SNTB1: variants seen among roughly 807,000 people sequenced by gnomAD.
SNTB1 encodes beta-1-syntrophin.
SNTB1 carries 36 observed loss-of-function variants against 48.9 expected under a neutral mutation model. That is an observed-to-expected ratio of 0.74 (90% CI 0.56 to 0.97). The LOEUF (loss-of-function observed/expected upper bound fraction) is 0.97, where lower values mean the gene tolerates loss of function less well. Ranked by LOEUF, SNTB1 falls within the 50% of genes least tolerant of loss-of-function variation. The pLI is 0.00. For missense variants in SNTB1, 786 were observed against 703.4 expected, an observed-to-expected ratio of 1.12 and a Z score of -1.33; for synonymous variants, 299 against 294.6, an observed-to-expected ratio of 1.01 and a Z score of -0.15.
chr8:120,789,515 T>C (rs550748619), intron 1 of SNTB1, among the ~76,000 whole-genome samples: 1 of 151,630 alleles, frequency 6.6e-6, no homozygotes, highest in South Asian at 2.1e-4. Flanking sequence ...AGAGAAGAAA[T>C]TCAGATAAAC....
At chr8:120,665,045 TG>T (rs1401275626) in intron 2 of SNTB1, among the ~76,000 whole-genome samples, 1 of 152,254 alleles carries the variant, frequency 6.6e-6, no homozygotes, top group African/African-American at 2.4e-5. Context: ...CACCTTTTCC[TG>T]TGCTTATTTT....
chr8:120,778,527 A>G (rs1225988666), intron 1 of SNTB1, among the ~76,000 whole-genome samples: 2 of 152,178 alleles, frequency 1.3e-5, no homozygotes, highest in East Asian at 3.8e-4. Context: ...AATGAGGAGG[A>G]GATTTTAGGA....
intron 3 of SNTB1, among the ~76,000 whole-genome samples, chr8:120,588,392 A>G (rs1026654900): frequency 6.6e-6 from 1 of 151,176 alleles, no homozygotes; most frequent in Admixed American, 6.7e-5. Context: ...CTAACCAACC[A>G]AACAAAAAAA....
intron 1 of SNTB1, among the ~76,000 whole-genome samples, chr8:120,727,189 C>A (rs1356221100): frequency 6.6e-6 from 1 of 152,122 alleles, no homozygotes; most frequent in East Asian, 1.9e-4. Flanking sequence ...GCTGCCTTGT[C>A]CTGTTATTTG....
chr8:120,683,085 G>A (rs951394068), intron 2 of SNTB1, among the ~76,000 whole-genome samples: 2 of 151,952 alleles, frequency 1.3e-5, no homozygotes, highest in African/African-American at 2.4e-5. Flanking sequence ...GTTTCACTGC[G>A]TTAGCCAGGA....
intron 1 of SNTB1, among the ~76,000 whole-genome samples, chr8:120,736,305 C>T (rs1289111132): frequency 1.3e-5 from 2 of 152,120 alleles, no homozygotes; most frequent in African/African-American, 4.8e-5. Context: ...CCATATTACC[C>T]CTCAACTGGT....
At chr8:120,807,565 A>G (rs1820355857) in intron 1 of SNTB1, among the ~76,000 whole-genome samples, 1 of 152,274 alleles carries the variant, frequency 6.6e-6, no homozygotes, top group Admixed American at 6.5e-5. Flanking sequence ...GATTACATTT[A>G]GTCTCCTTGC....
intron 3 of SNTB1, among the ~76,000 whole-genome samples, chr8:120,622,186 G>A (rs1019568999): frequency 7.2e-5 from 11 of 152,258 alleles, no homozygotes; most frequent in African/African-American, 2.6e-4. Context: ...AGTGACTAAC[G>A]TAATTCTGAG....
At chr8:120,810,003 G>C (rs1820399204) in intron 1 of SNTB1, among the ~76,000 whole-genome samples, 1 of 152,178 alleles carries the variant, frequency 6.6e-6, no homozygotes, top group African/African-American at 2.4e-5. Context: ...CCACGACTCG[G>C]TAAGCAGGAA....
chr8:120,790,312 C>T (rs1820006734), intron 1 of SNTB1, among the ~76,000 whole-genome samples: 2 of 151,832 alleles, frequency 1.3e-5, no homozygotes, highest in African/African-American at 4.8e-5. Context: ...AAGCATTGCC[C>T]CTAAGAACTG....
intron 2 of SNTB1, among the ~76,000 whole-genome samples, chr8:120,641,453 G>GT (rs1434280883): frequency 3.3e-5 from 5 of 152,062 alleles, no homozygotes; most frequent in African/African-American, 1.2e-4. Context: ...CACTCCACAG[G>GT]TATTACACAA....
At chr8:120,681,851 T>C (rs1323006315) in intron 2 of SNTB1, among the ~76,000 whole-genome samples, 1 of 151,742 alleles carries the variant, frequency 6.6e-6, no homozygotes, top group Non-Finnish European at 1.5e-5. Context: ...TCACCAGACA[T>C]TTGAGAAAAC....
chr8:120,684,181 T>C (rs1318037774), intron 2 of SNTB1, among the ~76,000 whole-genome samples: 1 of 152,178 alleles, frequency 6.6e-6, no homozygotes, highest in Non-Finnish European at 1.5e-5. Flanking sequence ...AAGGCACTAA[T>C]CCTGTTCATG....
At chr8:120,706,941 A>C (rs1818387077) in intron 1 of SNTB1, among the ~76,000 whole-genome samples, 1 of 152,172 alleles carries the variant, frequency 6.6e-6, no homozygotes, top group Non-Finnish European at 1.5e-5. Flanking sequence ...GAAAGGAATG[A>C]CATTTTTCCA....
Position 120,656,798 on chromosome 8 carries a change from C to T in SNTB1, c.789-24147G>A, listed in dbSNP as rs553826765. Among the ~76,000 whole-genome samples the T allele has an allele frequency of 1.2e-4, 19 of 152,098 alleles. No individual in the cohort carries two copies. The East Asian group carries it at 2.3e-3, about 19-fold the overall frequency. On this transcript the variant is annotated intron_variant, in intron 2 of 6. Coordinates refer to ENST00000517992, the MANE Select transcript of SNTB1 (RefSeq NM_021021.4). Reference sequence around the variant, plus strand: ...GTTAAAATTGAGTTTCAGATAAACACGGAATAATTTTTTAGCATTAGTATG... The same window carrying T: ...GTTAAAATTGAGTTTCAGATAAACATGGAATAATTTTTTAGCATTAGTATG...
At chr8:120,614,768 A>T (rs2130734905) in intron 3 of SNTB1, among the ~76,000 whole-genome samples, 1 of 151,966 alleles carries the variant, frequency 6.6e-6, no homozygotes, top group South Asian at 2.1e-4. Flanking sequence ...TTTTAATTTG[A>T]GAGGAGAGAT....
chr8:120,718,092 A>G (rs557138013), intron 1 of SNTB1, among the ~76,000 whole-genome samples: 16 of 152,316 alleles, frequency 1.1e-4, no homozygotes, highest in South Asian at 2.1e-4. Context: ...GATAGGCCCA[A>G]TTGGAGCCTA....
chr8:120,668,693 T>C (rs1490403715), intron 2 of SNTB1, among the ~76,000 whole-genome samples: 1 of 152,230 alleles, frequency 6.6e-6, no homozygotes, highest in East Asian at 1.9e-4. Flanking sequence ...ATATTATCCA[T>C]GCTTTTAGTA....
At chr8:120,808,895 G>GT (rs1048117442) in intron 1 of SNTB1, among the ~76,000 whole-genome samples, 58 of 152,166 alleles carry the variant, frequency 3.8e-4, no homozygotes, top group East Asian at 1.4e-3. Flanking sequence ...AGGAATCTAG[G>GT]TTTTTTTAAA....
Sources: gnomAD v4.1 joint callset for allele counts (sites outside exome capture counted in the v4.1 genomes callset) on GRCh38, gnomAD v4.1.1 for gene constraint, MANE v1.5 for transcripts, NCBI Gene and HGNC (gene_info 2026-07-23, HGNC 2026-07-21) for gene names.